The following SPART variants were observed in gnomAD, a reference collection of about 807,000 sequenced individuals.
SPART encodes spartin, also known as spastic paraplegia 20 (Troyer syndrome).
Under a neutral mutation model 58.7 loss-of-function variants are expected in SPART, and 35 were observed. The observed-to-expected ratio is 0.60, with a 90% CI of 0.46 to 0.79. SPART has a LOEUF of 0.79. SPART is among the 30% of genes least tolerant of loss of function. The pLI is 0.00. For missense variants in SPART, 730 were observed against 786.1 expected, an observed-to-expected ratio of 0.93 and a Z score of 0.85; for synonymous variants, 284 against 280.7, an observed-to-expected ratio of 1.01 and a Z score of -0.12.
chr13:36,315,457 C>T (rs556420704), intron 5 of SPART, among the ~76,000 whole-genome samples: 15 of 152,316 alleles, frequency 9.8e-5, no homozygotes, highest in African/African-American at 3.4e-4. Flanking sequence ...TACATGATTA[C>T]TCCAGCCCAT....
At chr13:36,339,587 T>G (rs1418160607) in intron 1 of SPART, among the ~76,000 whole-genome samples, 1 of 114,260 alleles carries the variant, frequency 8.8e-6, no homozygotes, top group Admixed American at 1.3e-4. Flanking sequence ...GCCGAGATCA[T>G]GCCACTGCAC....
intron 1 of SPART, chr13:36,365,487 G>T: frequency 1.5e-5 from 5 of 342,914 alleles, no homozygotes; most frequent in South Asian, 4.8e-5. Context: ...GTTTGTTTTT[G>T]CAAATATCTT....
At chr13:36,336,750 C>G (rs1453669766) in intron 1 of SPART, among the ~76,000 whole-genome samples, 2 of 152,142 alleles carry the variant, frequency 1.3e-5, no homozygotes, top group Non-Finnish European at 2.9e-5. Flanking sequence ...TTCACAGCAA[C>G]TATATTCACA....
chr13:36,313,161 A>T (rs565612320), intron 6 of SPART, among the ~76,000 whole-genome samples: 1 of 152,284 alleles, frequency 6.6e-6, no homozygotes, highest in African/African-American at 2.4e-5. Context: ...TCACTAAGTC[A>T]GTTTTTCTCA....
chr13:36,304,647 T>G lies in SPART; in HGVS notation c.1734-15A>C. The G allele has an allele frequency of 6.2e-7, 1 of 1,612,634 alleles. No individual in the cohort carries two copies. Among genetic ancestry groups the G allele is most frequent in the Non-Finnish European group, 8.5e-7 (1 of 1,179,132 alleles). On this transcript the variant is annotated splice_polypyrimidine_tract_variant and intron_variant, in intron 8 of 8. Transcript: ENST00000438666. ...TATATCCGTATCTTTAAAAGAAAGA[T>G]TAGAGGACATACAATGAAACAATAA... is the stretch of plus-strand genomic sequence containing the variant.
At chr13:36,324,791 G>T (rs1882749585) in intron 5 of SPART, among the ~76,000 whole-genome samples, 1 of 152,192 alleles carries the variant, frequency 6.6e-6, no homozygotes, top group Non-Finnish European at 1.5e-5. Context: ...TCAGCGAAGG[G>T]AGATAAGGGT....
At chr13:36,363,311 C>T (rs1485339527) in intron 1 of SPART, among the ~76,000 whole-genome samples, 1 of 152,016 alleles carries the variant, frequency 6.6e-6, no homozygotes, top group East Asian at 1.9e-4. Flanking sequence ...ATTCTCTTTC[C>T]TAGTGTTTGG....
Position 36,312,471 on chromosome 13 carries a change from C to T in SPART, c.1490G>A (p.Gly497Glu), listed in dbSNP as rs1279311331. ...AAKVSQFLVD[G>E]VCTVANCVGK... is the part of the protein sequence containing the mutation. ...AACGCAATTTGCTACAGTGCAAACT[C>T]CATCAACTAATATGACCATAAAAAA... Residue 497 changes from glycine (G) to glutamate (E), a missense_variant, in exon 7 of 9, where the codon GGA (glycine) becomes GAA (glutamate). Gly to Glu is a moderately conservative substitution (Grantham distance 98). Coordinates refer to ENST00000438666, the MANE Select transcript of SPART (RefSeq NM_015087.5). 2 of 1,613,940 alleles carry T rather than the reference C, an allele frequency of 1.2e-6. No individual in the cohort carries two copies. Among genetic ancestry groups the T allele is most frequent in the Admixed American group, 1.7e-5 (1 of 59,996 alleles).
intron 1 of SPART, among the ~76,000 whole-genome samples, chr13:36,344,901 T>C (rs1369437598): frequency 6.6e-6 from 1 of 152,242 alleles, no homozygotes; most frequent in Non-Finnish European, 1.5e-5. Flanking sequence ...TAAATTCTAA[T>C]TTTTTAACGT....
chr13:36,321,797 C>A (rs1347652874), intron 5 of SPART, among the ~76,000 whole-genome samples: 1 of 152,058 alleles, frequency 6.6e-6, no homozygotes, highest in South Asian at 2.1e-4. Flanking sequence ...TGCACATATA[C>A]GCCCAGATGG....
intron 5 of SPART, among the ~76,000 whole-genome samples, chr13:36,320,850 C>A (rs1402146334): frequency 5.3e-5 from 8 of 152,174 alleles, no homozygotes; most frequent in Non-Finnish European, 1.2e-4. Context: ...AGTCTGACAA[C>A]AGACAAGCCT....
chr13:36,366,478 G>A (rs1886058150), intron 1 of SPART, among the ~76,000 whole-genome samples: 1 of 152,096 alleles, frequency 6.6e-6, no homozygotes, highest in Non-Finnish European at 1.5e-5. Flanking sequence ...CATAGAAACA[G>A]TTTTCTGGTT....
chr13:36,325,629 T>C (rs1460732338), intron 5 of SPART, among the ~76,000 whole-genome samples: 3 of 152,198 alleles, frequency 2.0e-5, no homozygotes, highest in Non-Finnish European at 4.4e-5. Flanking sequence ...AGAGAGTTAC[T>C]ACAGCTAAAA....
rs1883535395 is a variant in SPART at position 36,332,297 on chromosome 13, G to T, written c.811-701C>A. ...GGATTATTTGAGGTCAGGAGTTCAAGACCTGCCTGGACAACATGGTGAAAC... is the reference window on the plus strand; with the variant it reads ...GGATTATTTGAGGTCAGGAGTTCAATACCTGCCTGGACAACATGGTGAAAC... On this transcript the variant is annotated intron_variant, in intron 2 of 8. Coordinates refer to ENST00000438666, the MANE Select transcript of SPART (RefSeq NM_015087.5). 2.0e-5 allele frequency among the ~76,000 whole-genome samples: 3 copies of T among 152,176 alleles called. No individual in the cohort carries two copies. The South Asian group carries it at 6.2e-4, about 31-fold the overall frequency.
At chr13:36,308,187 C>T (rs558346135) in intron 8 of SPART, among the ~76,000 whole-genome samples, 2 of 152,218 alleles carry the variant, frequency 1.3e-5, no homozygotes, top group East Asian at 3.9e-4. Context: ...TCAGTTCTAT[C>T]ACTAAGTTAT....
At chr13:36,341,860 A>T (rs1173838949) in intron 1 of SPART, among the ~76,000 whole-genome samples, 1 of 152,158 alleles carries the variant, frequency 6.6e-6, no homozygotes, top group African/African-American at 2.4e-5. Flanking sequence ...TCTACCCCAC[A>T]ACCCCTATCA....
Position 36,312,431 on chromosome 13 carries a change from A to C in SPART, c.1530T>G (p.Ala510=), listed in dbSNP as rs371585318. The change falls in exon 7 of 9, where the codon GCT becomes GCG. Residue 510 remains alanine, a synonymous_variant. Coordinates refer to ENST00000438666, the MANE Select transcript of SPART (RefSeq NM_015087.5). ...TGCTTCCATGCTTCTTGACATGTGG[A>C]GCTAGTTCTTTTCCAACGCAATTTG... ...TVANCVGKEL[A]PHVKKHGSKL... 3.5e-5 allele frequency: 57 copies of C among 1,614,118 alleles called. 1 individual carries two copies. The East Asian group carries it at 5.8e-4, about 16-fold the overall frequency.
At chr13:36,312,977 A>G (rs1040170591) in intron 6 of SPART, among the ~76,000 whole-genome samples, 9 of 152,064 alleles carry the variant, frequency 5.9e-5, no homozygotes, top group African/African-American at 2.2e-4. Context: ...ATAAAAGTAA[A>G]CAATCTAAAA....
chr13:36,333,294 T>A (rs1412452744), intron 2 of SPART, among the ~76,000 whole-genome samples: 1 of 152,132 alleles, frequency 6.6e-6, no homozygotes, highest in African/African-American at 2.4e-5. Flanking sequence ...AGAAAAATCT[T>A]TTTTTGAAGT....
Sources: gnomAD v4.1 joint callset for allele counts (sites outside exome capture counted in the v4.1 genomes callset) on GRCh38, gnomAD v4.1.1 for gene constraint, MANE v1.5 for transcripts, NCBI Gene and HGNC (gene_info 2026-07-23, HGNC 2026-07-21) for gene names.